The following GON4L variants were observed in gnomAD, a reference collection of about 807,000 sequenced individuals.
GON4L encodes gon-4 like.
In GON4L, 87 loss-of-function variants were observed where a neutral mutation model predicts 211.8. The observed-to-expected ratio is 0.41, with a 90% confidence interval of 0.35 to 0.49. The LOEUF is 0.49. GON4L is among the 20% of genes least tolerant of loss of function. The pLI is 0.15. For synonymous variants in GON4L, 875 were observed against 962.6 expected, an observed-to-expected ratio of 0.91 and a Z score of 1.68; for missense variants, 2,155 against 2,659.5, an observed-to-expected ratio of 0.81 and a Z score of 4.17.
rs755341791 is a variant in GON4L, at chr1:155,752,049, C to T, written c.6384G>A (p.Gly2128=). ...CTTCTGCGGCCTTTGGCTGCTGCTCCCCCTCTGGACCCTTGGCCTGTGTTC... is the reference window on the plus strand; with the variant it reads ...CTTCTGCGGCCTTTGGCTGCTGCTCTCCCTCTGGACCCTTGGCCTGTGTTC... ...DSGTQAKGPE[G]EQQPKAAEAT... is the part of the protein sequence containing the mutation. Residue 2128 remains glycine (G), a synonymous_variant, in exon 30 of 32, where the codon GGG becomes GGA. Transcript: ENST00000368331. 54 of 1,613,640 alleles carry T rather than the reference C, an allele frequency of 3.3e-5. No homozygotes were observed. The East Asian group carries it at 5.8e-4, about 17-fold the overall frequency.
rs183389209 is a variant in GON4L, at chr1:155,763,281, T to C, written c.4726+31A>G. On this transcript the variant is annotated intron_variant, in intron 22 of 31. Coordinates refer to ENST00000368331, the MANE Select transcript of GON4L (RefSeq NM_001282860.2). ...TCTAGACAATGAGGTTAAGTGAGAATGGTCCTTCAGTATAGGTTTGCCTAG... is the reference window on the plus strand; with the variant it reads ...TCTAGACAATGAGGTTAAGTGAGAACGGTCCTTCAGTATAGGTTTGCCTAG... The C allele has an allele frequency of 1.9e-6, 3 of 1,607,430 alleles. No homozygotes were observed. The African/African-American group carries it at 4.0e-5, about 21-fold the overall frequency.
Position 155,854,188 on chromosome 1 carries a change from G to A in GON4L, c.-26-382C>T, listed in dbSNP as rs1294615260. ...TGTTTTTGAGACAGAGTCTCACTCT[G>A]TCTCCCAGGCTGGAGTACAGTGGCG... is the stretch of plus-strand genomic sequence containing the variant. On this transcript the variant is annotated intron_variant, in intron 1 of 31. Coordinates refer to ENST00000368331, the MANE Select transcript of GON4L (RefSeq NM_001282860.2). Among the ~76,000 whole-genome samples, 5 of 152,168 alleles carry A rather than the reference G, an allele frequency of 3.3e-5. No homozygotes were observed. The South Asian group carries it at 6.2e-4, about 19-fold the overall frequency.
At chr1:155,854,937 A>G (rs1672135384) in intron 1 of GON4L, among the ~76,000 whole-genome samples, 1 of 151,944 alleles carries the variant, frequency 6.6e-6, no homozygotes, top group Non-Finnish European at 1.5e-5. Context: ...CCAGAGGCTG[A>G]GGCAGGACAA....
intron 10 of GON4L, among the ~76,000 whole-genome samples, chr1:155,810,098 C>A (rs1255572269): frequency 6.7e-6 from 1 of 149,070 alleles, no homozygotes. Flanking sequence ...TGGGTTAAAG[C>A]GATTTTCGTG....
chr1:155,766,122 C>A lies in GON4L; in HGVS notation c.3351G>T (p.Arg1117=), dbSNP rs763753951. 4.3e-6 allele frequency: 7 copies of A among 1,614,012 alleles called. No homozygotes were observed. The Admixed American group carries it at 5.0e-5, about 12-fold the overall frequency. ...TGACTCCTCTTCTCTTTGAGGGTCT[C>A]CGTCTCACATATGGCTTTCGAAACT... ...PSKFRKPYVR[R]RPSKRRGVKA... is the part of the protein sequence containing the mutation. The change falls in exon 21 of 32, where the codon CGG becomes CGT. Residue 1117 remains arginine (R), a synonymous_variant. Coordinates refer to ENST00000368331, the MANE Select transcript of GON4L (RefSeq NM_001282860.2).
At chr1:155,776,111 A>G (rs1199078526) in intron 16 of GON4L, among the ~76,000 whole-genome samples, 1 of 152,186 alleles carries the variant, frequency 6.6e-6, no homozygotes, top group Non-Finnish European at 1.5e-5. Context: ...CAGTGGTACC[A>G]AAAACCTAAG....
intron 11 of GON4L, among the ~76,000 whole-genome samples, chr1:155,796,522 C>T (rs1001889429): frequency 5.9e-5 from 9 of 152,084 alleles, no homozygotes; most frequent in African/African-American, 2.2e-4. Flanking sequence ...AGGTGATCCG[C>T]CTGCATTGGC....
At chr1:155,822,867 C>G (rs1399170462) in intron 3 of GON4L, among the ~76,000 whole-genome samples, 2 of 152,222 alleles carry the variant, frequency 1.3e-5, no homozygotes, top group Non-Finnish European at 2.9e-5. Flanking sequence ...GCAATCTCGG[C>G]TCAGCGCAAC....
In GON4L at chr1:155,813,081, T is replaced by G. The variant is rs577340817; in HGVS notation, c.1452+553A>C. 1.3e-3 allele frequency among the ~76,000 whole-genome samples: 192 copies of G among 152,226 alleles called. 1 individual carries two copies. Among genetic ancestry groups the G allele is most frequent in the African/African-American group, 4.5e-3 (185 of 41,548 alleles). On this transcript the variant is annotated intron_variant, in intron 10 of 31. Transcript: ENST00000368331. ...TTGGGGGAATTTGGGTGAAGCTTTT[T>G]CCTATGTTCTACATTTTAAAATGCT...
intron 1 of GON4L, among the ~76,000 whole-genome samples, chr1:155,856,937 A>G (rs970294906): frequency 6.6e-6 from 1 of 152,098 alleles, no homozygotes; most frequent in Admixed American, 6.5e-5. Context: ...CTCCTAGGAA[A>G]ACATTTTCAA....
downstream of GON4L, chr1:155,747,014 A>G (rs1310467898): frequency 8.1e-6 from 13 of 1,596,960 alleles, no homozygotes; most frequent in African/African-American, 1.4e-5. Flanking sequence ...AAGGACTGCG[A>G]CTCGGTGAAC....
upstream of GON4L, among the ~76,000 whole-genome samples, chr1:155,858,478 C>T (rs1332557580): frequency 2.0e-5 from 3 of 152,108 alleles, no homozygotes; most frequent in African/African-American, 7.2e-5. Context: ...TCCCAAATAC[C>T]AAGGAAGACT....
chr1:155,855,512 C>T (rs1672191403), intron 1 of GON4L, among the ~76,000 whole-genome samples: 1 of 152,092 alleles, frequency 6.6e-6, no homozygotes, highest in Admixed American at 6.6e-5. Context: ...CCATCCAAGC[C>T]ACTGCACCAG....
rs1666488077 is a variant in GON4L at position 155,800,107 on chromosome 1, GA to G, written c.1645+4841del. ...CCAGTTACTTGGGAGGCTGAGGCAG[GA>G]AAATCGCTTGAACCTGGGAGGCAGA... On this transcript the variant is annotated intron_variant, in intron 11 of 31. Transcript: ENST00000368331. 2.6e-5 allele frequency among the ~76,000 whole-genome samples: 4 copies of G among 152,182 alleles called. No individual in the cohort carries two copies. In the South Asian group the frequency reaches 8.3e-4, roughly 32 times the overall value.
chr1:155,762,150 T>C (rs1300943068), intron 23 of GON4L, 40 bp downstream of exon 23: 1 of 1,500,096 alleles, frequency 6.7e-7, no homozygotes, highest in East Asian at 2.3e-5. Context: ...GCAGCCACAT[T>C]CATAGAGACT....
At chr1:155,777,550 G>C in intron 15 of GON4L, 72 bp downstream of exon 15, 2 of 1,161,942 alleles carry the variant, frequency 1.7e-6, no homozygotes, top group South Asian at 2.4e-5. Flanking sequence ...CTGCACTCCA[G>C]GCTGGGAGAC....
chr1:155,858,469 C>T (rs1672441082), upstream of GON4L, among the ~76,000 whole-genome samples: 2 of 152,148 alleles, frequency 1.3e-5, no homozygotes, highest in South Asian at 2.1e-4. Context: ...CACCAACTCT[C>T]CCAAATACCA....
intron 8 of GON4L, among the ~76,000 whole-genome samples, chr1:155,814,855 G>A (rs775980405): frequency 5.3e-5 from 8 of 152,056 alleles, no homozygotes; most frequent in East Asian, 1.9e-4. Flanking sequence ...TCTTATGCCT[G>A]TAATCCCAGC....
At chr1:155,748,400 G>A, downstream of GON4L, 1 of 1,609,406 alleles carries the variant, frequency 6.2e-7, no homozygotes, top group Non-Finnish European at 8.5e-7. Context: ...CTTCTTACAG[G>A]CCATTCTGCC....
Sources: gnomAD v4.1 joint callset for allele counts (sites outside exome capture counted in the v4.1 genomes callset) on GRCh38, gnomAD v4.1.1 for gene constraint, MANE v1.5 for transcripts, NCBI Gene and HGNC (gene_info 2026-07-23, HGNC 2026-07-21) for gene names.